The following ZBED1 variants were observed in gnomAD, a reference collection of about 807,000 sequenced individuals.
The protein encoded by ZBED1 is E3 SUMO-protein ligase ZBED1.
In ZBED1, 19 loss-of-function variants were observed where a neutral mutation model predicts 49.7. The observed-to-expected ratio is 0.38, with a 90% confidence interval of 0.27 to 0.56. The LOEUF (loss-of-function observed/expected upper bound fraction) is 0.56. Ranked by LOEUF, ZBED1 falls within the 20% of genes least tolerant of loss-of-function variation. The pLI is 0.70. For synonymous variants in ZBED1, 439 were observed against 440.3 expected (o/e 1.00, Z 0.04); for missense variants, 806 against 972.6 (o/e 0.83, Z 2.28).
intron 1 of ZBED1, among the ~76,000 whole-genome samples, chrX:2,493,214 G>C (rs1356764323): frequency 6.6e-6 from 1 of 152,182 alleles, no homozygotes; most frequent in Non-Finnish European, 1.5e-5. Context: ...AGCCGAGTTA[G>C]GGTGGGGCCC....
intron 1 of ZBED1, among the ~76,000 whole-genome samples, 180 bp from the exon 2 acceptor site, chrX:2,490,952 G>A (rs1299930089): frequency 6.6e-6 from 1 of 152,100 alleles, no homozygotes; most frequent in Non-Finnish European, 1.5e-5. Context: ...CCTAGCGCAG[G>A]AATACGCTCT....
At chrX:2,498,756 G>A (rs1371746451) in intron 1 of ZBED1, among the ~76,000 whole-genome samples, 2 of 152,122 alleles carry the variant, frequency 1.3e-5, no homozygotes, top group African/African-American at 2.4e-5. Context: ...AGGCCCTTAA[G>A]GAGGTTTAAG....
intron 1 of ZBED1, 84 bp from the exon 2 acceptor site, chrX:2,490,856 G>A (rs2045118675): frequency 7.9e-7 from 1 of 1,269,220 alleles, no homozygotes; most frequent in Non-Finnish European, 1.1e-6. Flanking sequence ...CAGGGTGCCG[G>A]GGCAGCTCCG....
chrX:2,488,644 G>A lies in ZBED1; in HGVS notation c.2076C>T (p.Ser692=). The A allele has an allele frequency of 6.2e-7, 1 of 1,601,226 alleles. No homozygotes were observed. Among genetic ancestry groups the A allele is most frequent in the Non-Finnish European group, 8.5e-7 (1 of 1,174,390 alleles). ...SGGFFGIRDS[S]FL Reference sequence around the variant, plus strand: ...ACAACACGCTTCCTCGCTACAGGAAGCTGCTGTCCCTAATGCCAAAGAAAC... The same window carrying A: ...ACAACACGCTTCCTCGCTACAGGAAACTGCTGTCCCTAATGCCAAAGAAAC... The change falls in exon 2 of 2, where the codon AGC becomes AGT. Residue 692 remains serine (S), a synonymous_variant. Transcript: ENST00000652001.
chrX:2,491,405 C>T (rs1024134587), intron 1 of ZBED1, among the ~76,000 whole-genome samples: 10 of 152,118 alleles, frequency 6.6e-5, no homozygotes, highest in African/African-American at 2.4e-4. Context: ...GCTTGTTGTT[C>T]CTGTCCTAAG....
At position 2,500,825 on chromosome X, in the gene ZBED1, A is replaced by G; in HGVS notation, c.-62T>C. On this transcript the variant is annotated 5_prime_UTR_variant, in exon 1 of 2. Transcript: ENST00000652001. ...TGCCCCGCCCCGCTGACCTGGCTCC[A>G]GGAAGCCCCCGCGGCAGCGCCGCAG... 9.1e-7 allele frequency: 1 copy of G among 1,097,002 alleles called. No homozygotes were observed. The highest frequency in any genetic ancestry group is 5.9e-5 in the Admixed American group (1 of 16,846). 68.0% of individuals were successfully genotyped at this position (1,097,002 alleles called of 1,614,324 possible). A position where few individuals can be genotyped will look rare whatever the true frequency, so the allele number is the denominator to read the frequency against.
intron 1 of ZBED1, among the ~76,000 whole-genome samples, chrX:2,494,674 G>A (rs1488546271): frequency 6.6e-6 from 1 of 151,726 alleles, no homozygotes; most frequent in Admixed American, 6.6e-5. Flanking sequence ...CCAGTACCTG[G>A]ACCAAAGGTC....
Position 2,488,253 on chromosome X carries a change from T to C in ZBED1, c.*382A>G, listed in dbSNP as rs1313254632. 3 of 205,816 alleles carry C rather than the reference T, an allele frequency of 1.5e-5. No homozygotes were observed. Among genetic ancestry groups the C allele is most frequent in the Admixed American group, 5.8e-5 (1 of 17,162 alleles). The allele number at this position is 205,816 out of a possible 1,614,324, so 12.7% of individuals were successfully genotyped here. The stretch of plus-strand genomic sequence containing the variant: ...CTGGAGTGCAGCGATCTCAGCTTAC[T>C]GCAACCTCCACCTCCCAGGTTCAAG... On this transcript the variant is annotated 3_prime_UTR_variant, in exon 2 of 2. Transcript: ENST00000652001.
intron 1 of ZBED1, among the ~76,000 whole-genome samples, chrX:2,499,930 C>T (rs943032961): frequency 1.3e-5 from 2 of 152,188 alleles, no homozygotes; most frequent in Non-Finnish European, 2.9e-5. Context: ...GTAATGCCAG[C>T]ACTTTGGGAG....
chrX:2,497,855 G>C (rs1049396977), intron 1 of ZBED1, among the ~76,000 whole-genome samples: 2 of 152,116 alleles, frequency 1.3e-5, no homozygotes, highest in Admixed American at 1.3e-4. Flanking sequence ...ACAGATTTCA[G>C]GCCATATCAA....
At chrX:2,493,315 C>CCAT (rs770537301) in intron 1 of ZBED1, among the ~76,000 whole-genome samples, 22 of 152,120 alleles carry the variant, frequency 1.4e-4, no homozygotes, top group Non-Finnish European at 2.5e-4. Context: ...ATCAGATCCT[C>CCAT]CATCATCATC....
In ZBED1 at chrX:2,490,103, T is replaced by C. The variant is rs1569346060; in HGVS notation, c.617A>G (p.Gln206Arg). Residue 206 changes from glutamine (Q) to arginine (R), a missense_variant, in exon 2 of 2, where the codon CAG becomes CGG. Transcript: ENST00000652001. The stretch of plus-strand genomic sequence containing the variant: ...GGCCAGCGTGACGTAGGCGCGGTTC[T>C]GATTCTCACTCCTCCACATGTCGGT... ...ISTDMWRSENQNRAYVTLAAH... is the reference protein window; with the variant it reads ...ISTDMWRSENRNRAYVTLAAH... 4 of 1,613,880 alleles carry C rather than the reference T, an allele frequency of 2.5e-6. No homozygotes were observed. Among genetic ancestry groups the C allele is most frequent in the Non-Finnish European group, 2.5e-6 (3 of 1,179,874 alleles).
intron 1 of ZBED1, among the ~76,000 whole-genome samples, chrX:2,491,645 A>C (rs904093873): frequency 5.3e-5 from 8 of 152,176 alleles, no homozygotes; most frequent in African/African-American, 1.4e-4. Flanking sequence ...CACTCTTCTC[A>C]AACTTTATGG....
At chrX:2,499,225 T>C (rs1359434795) in intron 1 of ZBED1, among the ~76,000 whole-genome samples, 2 of 152,022 alleles carry the variant, frequency 1.3e-5, no homozygotes, top group Non-Finnish European at 2.9e-5. Context: ...AGGCGTGCAG[T>C]AGTGTCTTCC....
rs1040321344 is a variant in ZBED1 at position 2,486,551 on chromosome X, C to A, written c.*2084G>T. ...AAATGAAGACAGAGCCGGGACAGTT[C>A]ACATTTCCACGTGAGTGAGGAAAAG... On this transcript the variant is annotated 3_prime_UTR_variant, in exon 2 of 2. Transcript: ENST00000652001. 3 of 152,206 alleles carry A rather than the reference C, an allele frequency of 2.0e-5. No individual in the cohort carries two copies. Among genetic ancestry groups the A allele is most frequent in the African/African-American group, 7.2e-5 (3 of 41,442 alleles). 9.4% of individuals were successfully genotyped at this position (152,206 alleles called of 1,614,324 possible). A position where few individuals can be genotyped will look rare whatever the true frequency, so the allele number is the denominator to read the frequency against.
chrX:2,494,944 C>G (rs769769469), intron 1 of ZBED1, among the ~76,000 whole-genome samples: 12 of 151,766 alleles, frequency 7.9e-5, no homozygotes, highest in Non-Finnish European at 1.6e-4. Flanking sequence ...GGACCTGGAG[C>G]AAAGGTTTAT....
intron 1 of ZBED1, among the ~76,000 whole-genome samples, chrX:2,497,502 G>C: frequency 6.6e-6 from 1 of 151,902 alleles, no homozygotes; most frequent in East Asian, 1.9e-4. Flanking sequence ...TCCCTTTACA[G>C]GTTAAAAAAA....
At chrX:2,492,449 T>C (rs1485889783) in intron 1 of ZBED1, among the ~76,000 whole-genome samples, 3 of 145,298 alleles carry the variant, frequency 2.1e-5, no homozygotes, top group Non-Finnish European at 3.0e-5. Context: ...CTGGATAAAA[T>C]CATGGTGGAT....
rs1254968680 is a variant in ZBED1, at chrX:2,488,705, T to G, written c.2015A>C (p.Glu672Ala). The G allele has an allele frequency of 6.2e-7, 1 of 1,613,816 alleles. No homozygotes were observed. Among genetic ancestry groups the G allele is most frequent in the East Asian group, 2.2e-5 (1 of 44,860 alleles). ...QDEGEWGLDQ[E>A]QVFSLGDGVS... ...GCCATCCCCCAAGGAGAACACCTGC[T>G]CCTGGTCCAGGCCCCACTCCCCCTC... is the stretch of plus-strand genomic sequence containing the variant. The change falls in exon 2 of 2, where the codon GAG becomes GCG. Residue 672 changes from glutamate to alanine, a missense_variant. Glu to Ala is a moderately radical substitution (Grantham distance 107). Around this residue, in one of 2 missense-constraint regions of ZBED1, gnomAD observed 749 missense variants for 861.3 expected, o/e 0.87. Coordinates refer to ENST00000652001, the MANE Select transcript of ZBED1 (RefSeq NM_001171136.2).
Sources: allele counts gnomAD v4.1 joint callset (sites outside exome capture counted in the v4.1 genomes callset), GRCh38; gene constraint gnomAD v4.1.1; regional missense constraint gnomAD v4.1.1; transcripts MANE v1.5; gene names NCBI Gene and HGNC (gene_info 2026-07-23, HGNC 2026-07-21).